Variants in NPAS3 observed in about 807,000 individuals in gnomAD.
NPAS3 encodes the protein neuronal PAS domain-containing protein 3.
NPAS3 carries 14 observed loss-of-function variants against 73.1 expected under a neutral mutation model. The observed-to-expected ratio is 0.19, with a 90% CI of 0.13 to 0.30. The LOEUF (loss-of-function observed/expected upper bound fraction) is 0.30. NPAS3 is among the 10% of genes least tolerant of loss of function. NPAS3 has a pLI of 1.00. For missense variants in NPAS3, 1,096 were observed against 1,250.0 expected (o/e 0.88, Z 1.86); for synonymous variants, 620 against 541.5 (o/e 1.14, Z -2.01).
At chr14:33,145,441 G>A (rs945069376) in intron 2 of NPAS3, among the ~76,000 whole-genome samples, 1 of 152,108 alleles carries the variant, frequency 6.6e-6, no homozygotes, top group African/African-American at 2.4e-5. Flanking sequence ...TTAAGGTTTT[G>A]TTTTTAAATT....
At chr14:33,333,342 A>G (rs1218702728) in intron 3 of NPAS3, among the ~76,000 whole-genome samples, 1 of 152,160 alleles carries the variant, frequency 6.6e-6, no homozygotes, top group Non-Finnish European at 1.5e-5. Context: ...GATGTTTAAC[A>G]TTTTCATGAT....
intron 2 of NPAS3, among the ~76,000 whole-genome samples, chr14:33,141,867 A>G (rs1262839592): frequency 1.3e-5 from 2 of 152,212 alleles, no homozygotes; most frequent in African/African-American, 2.4e-5. Flanking sequence ...TCCAGCAAGT[A>G]TGCCATCGCA....
intron 6 of NPAS3, among the ~76,000 whole-genome samples, chr14:33,684,385 C>T (rs545641561): frequency 2.0e-5 from 3 of 152,128 alleles, no homozygotes; most frequent in South Asian, 2.1e-4. Context: ...AATCTCGGCT[C>T]ACTACAACCT....
chr14:33,093,484 G>A lies in NPAS3; in HGVS notation c.140+37490G>A, dbSNP rs544776029. On this transcript the variant is annotated intron_variant, in intron 2 of 11. Transcript: ENST00000356141. ...TCAGGGAACAACAGGTGCTGGAGAC[G>A]ATGTGGAGAAACGGGAACACTTTTA... Among the ~76,000 whole-genome samples, 315 of 152,324 alleles carry A rather than the reference G, an allele frequency of 2.1e-3. 1 individual carries two copies. The highest frequency in any genetic ancestry group is 4.1e-3 in the African/African-American group (172 of 41,568).
At chr14:32,938,525 A>AGAGAGAGAGAGG (rs1566779564), upstream of NPAS3, among the ~76,000 whole-genome samples, 1 of 66,244 alleles carries the variant, frequency 1.5e-5, no homozygotes, top group South Asian at 5.6e-4. Flanking sequence ...GAGAGAGAGA[A>AGAGAGAGAGAGG]GGGGGGGGAG....
At chr14:33,604,012 T>TAA (rs533319213) in intron 5 of NPAS3, among the ~76,000 whole-genome samples, 8 of 142,520 alleles carry the variant, frequency 5.6e-5, no homozygotes, top group South Asian at 2.2e-4. Context: ...CTAAAACAAC[T>TAA]AAAAAAAAAA....
At chr14:33,298,015 C>T (rs952116286) in intron 3 of NPAS3, among the ~76,000 whole-genome samples, 5 of 152,116 alleles carry the variant, frequency 3.3e-5, no homozygotes, top group African/African-American at 9.7e-5. Context: ...GGTGCGGTGG[C>T]GCACAGCTGT....
chr14:33,460,259 C>T (rs1229123248), intron 4 of NPAS3, among the ~76,000 whole-genome samples: 4 of 152,182 alleles, frequency 2.6e-5, no homozygotes, highest in African/African-American at 9.7e-5. Flanking sequence ...GGAGTACAAC[C>T]TGGAGATCTC....
chr14:33,257,651 A>G (rs978431661), intron 3 of NPAS3, among the ~76,000 whole-genome samples: 1 of 152,212 alleles, frequency 6.6e-6, no homozygotes, highest in Non-Finnish European at 1.5e-5. Context: ...GGTACATTTA[A>G]GTTCCTCAAA....
At chr14:33,491,476 C>G (rs1346879675) in intron 4 of NPAS3, among the ~76,000 whole-genome samples, 1 of 152,142 alleles carries the variant, frequency 6.6e-6, no homozygotes, top group Non-Finnish European at 1.5e-5. Context: ...ATGGTAGGCA[C>G]TAGCCGCCTG....
chr14:33,172,628 T>A (rs1454119496), intron 2 of NPAS3, among the ~76,000 whole-genome samples: 1 of 151,856 alleles, frequency 6.6e-6, no homozygotes, highest in African/African-American at 2.4e-5. Context: ...CCCAGCTACT[T>A]GGGGGGCTGA....
intron 3 of NPAS3, among the ~76,000 whole-genome samples, chr14:33,286,821 A>C (rs2041895385): frequency 6.6e-6 from 1 of 152,172 alleles, no homozygotes; most frequent in Admixed American, 6.5e-5. Flanking sequence ...CCCACTGTGA[A>C]GAAGATAGAA....
intron 6 of NPAS3, among the ~76,000 whole-genome samples, chr14:33,730,649 G>C (rs1264852498): frequency 2.0e-5 from 3 of 152,138 alleles, no homozygotes; most frequent in Non-Finnish European, 4.4e-5. Flanking sequence ...ACTCCGTGTG[G>C]CTGAGGAAGT....
intron 1 of NPAS3, among the ~76,000 whole-genome samples, chr14:32,965,960 T>G (rs563279508): frequency 6.6e-6 from 1 of 152,012 alleles, no homozygotes; most frequent in East Asian, 1.9e-4. Flanking sequence ...ACGTTTACAA[T>G]AGATAAAAAA....
intron 3 of NPAS3, among the ~76,000 whole-genome samples, chr14:33,289,685 G>C (rs1190586007): frequency 6.6e-6 from 1 of 152,056 alleles, no homozygotes; most frequent in African/African-American, 2.4e-5. Flanking sequence ...AGCCGGGCAT[G>C]ATGGGGCATG....
At chr14:33,301,715 G>C (rs2042556923) in intron 3 of NPAS3, among the ~76,000 whole-genome samples, 1 of 152,128 alleles carries the variant, frequency 6.6e-6, no homozygotes, top group Non-Finnish European at 1.5e-5. Flanking sequence ...AACAATACCA[G>C]GGATAAAGCA....
chr14:33,228,845 T>C (rs956143811), intron 3 of NPAS3, among the ~76,000 whole-genome samples: 9 of 152,190 alleles, frequency 5.9e-5, no homozygotes, highest in Non-Finnish European at 2.9e-5. Context: ...AAGACGGTAG[T>C]CCTTATTACA....
chr14:33,423,396 A>T (rs1237884770), intron 4 of NPAS3, among the ~76,000 whole-genome samples: 1 of 151,990 alleles, frequency 6.6e-6, no homozygotes, highest in Admixed American at 6.6e-5. Context: ...ATTGTCTTTC[A>T]ATACAACAAT....
At chr14:33,313,076 G>C (rs895186071) in intron 3 of NPAS3, among the ~76,000 whole-genome samples, 1 of 152,028 alleles carries the variant, frequency 6.6e-6, no homozygotes, top group East Asian at 1.9e-4. Flanking sequence ...GTGGCAGGGG[G>C]TGTTTTTGGC....
Sources: gnomAD v4.1 joint callset for allele counts (sites outside exome capture counted in the v4.1 genomes callset) on GRCh38, gnomAD v4.1.1 for gene constraint, MANE v1.5 for transcripts, NCBI Gene and HGNC (gene_info 2026-07-23, HGNC 2026-07-21) for gene names.